The following GRIN2B variants were observed in gnomAD, a reference collection of about 807,000 sequenced individuals.
The protein encoded by GRIN2B is glutamate receptor ionotropic, NMDA 2B.
GRIN2B carries 5 observed loss-of-function variants against 114.5 expected under a neutral mutation model. The observed-to-expected ratio is 0.04, with a 90% CI of 0.02 to 0.09. The LOEUF is 0.09. Among genes scored for constraint, GRIN2B ranks in the 10% least tolerant of loss-of-function variants. GRIN2B has a pLI of 1.00. For synonymous variants in GRIN2B, 787 were observed against 745.1 expected (o/e 1.06, Z -0.92); for missense variants, 1,108 against 1,943.5 (o/e 0.57, Z 8.08).
intron 2 of GRIN2B, among the ~76,000 whole-genome samples, chr12:13,905,845 C>G (rs891623883): frequency 6.6e-6 from 1 of 152,072 alleles, no homozygotes; most frequent in African/African-American, 2.4e-5. Flanking sequence ...TTCACTTTCC[C>G]ATCCCCAGCC....
At chr12:13,835,317 G>A (rs1865239943) in intron 3 of GRIN2B, among the ~76,000 whole-genome samples, 1 of 152,108 alleles carries the variant, frequency 6.6e-6, no homozygotes, top group East Asian at 1.9e-4. Context: ...TACAGAAAAA[G>A]CTGAGGCGCA....
intron 2 of GRIN2B, among the ~76,000 whole-genome samples, chr12:13,868,034 G>A (rs1327527533): frequency 6.6e-6 from 1 of 152,272 alleles, no homozygotes; most frequent in Non-Finnish European, 1.5e-5. Context: ...TTAATGATTT[G>A]GGAGCAAGAT....
chr12:13,746,893 G>T (rs1863395460), intron 4 of GRIN2B, among the ~76,000 whole-genome samples: 1 of 152,124 alleles, frequency 6.6e-6, no homozygotes, highest in South Asian at 2.1e-4. Flanking sequence ...CTTCCACCAT[G>T]AGTGGAAGTT....
chr12:13,875,749 G>C (rs1461718369), intron 2 of GRIN2B, among the ~76,000 whole-genome samples: 1 of 152,158 alleles, frequency 6.6e-6, no homozygotes, highest in Admixed American at 6.5e-5. Context: ...TTAATTTGCT[G>C]TGCGATCTTT....
At chr12:13,879,307 G>C (rs1866035980) in intron 2 of GRIN2B, among the ~76,000 whole-genome samples, 1 of 152,116 alleles carries the variant, frequency 6.6e-6, no homozygotes, top group African/African-American at 2.4e-5. Context: ...GTAGGCAGTT[G>C]TAACACAGTG....
At chr12:13,975,397 G>A (rs1863002563) in intron 2 of GRIN2B, among the ~76,000 whole-genome samples, 1 of 152,216 alleles carries the variant, frequency 6.6e-6, no homozygotes, top group African/African-American at 2.4e-5. Flanking sequence ...AGATAACTCT[G>A]CATTTCACTC....
chr12:13,744,173 T>C (rs1185156400), intron 4 of GRIN2B, among the ~76,000 whole-genome samples: 1 of 152,222 alleles, frequency 6.6e-6, no homozygotes, highest in African/African-American at 2.4e-5. Context: ...TGGAAGGAAA[T>C]ATTTACTTGA....
At chr12:13,621,041 T>C (rs867439074) in intron 5 of GRIN2B, among the ~76,000 whole-genome samples, 4 of 152,240 alleles carry the variant, frequency 2.6e-5, no homozygotes, top group Admixed American at 6.5e-5. Context: ...GCCAATTCTT[T>C]ATGGAGCAAA....
rs1258364748 is a variant in GRIN2B at position 13,558,177 on chromosome 12, A to G, written c.*4606T>C. 1.3e-5 allele frequency: 2 copies of G among 152,204 alleles called. No individual in the cohort carries two copies. Among genetic ancestry groups the G allele is most frequent in the South Asian group, 2.1e-4 (1 of 4,830 alleles). 9.4% of individuals were successfully genotyped at this position (152,204 alleles called of 1,614,324 possible). On this transcript the variant is annotated 3_prime_UTR_variant, in exon 14 of 14. Coordinates refer to ENST00000609686, the MANE Select transcript of GRIN2B (RefSeq NM_000834.5). ...TGTAGTGTGTAGCAGCCTACTGAGCATGTATTTCCTATATGGCTTTGGGCT... is the reference window on the plus strand; with the variant it reads ...TGTAGTGTGTAGCAGCCTACTGAGCGTGTATTTCCTATATGGCTTTGGGCT...
chr12:13,896,616 T>C (rs1052009873), intron 2 of GRIN2B, among the ~76,000 whole-genome samples: 3 of 152,202 alleles, frequency 2.0e-5, no homozygotes, highest in African/African-American at 7.2e-5. Context: ...TTCCATTTTT[T>C]AAAATAATAC....
intron 4 of GRIN2B, among the ~76,000 whole-genome samples, chr12:13,701,334 A>C (rs1038788348): frequency 6.6e-6 from 1 of 152,092 alleles, no homozygotes; most frequent in African/African-American, 2.4e-5. Context: ...AAACTTATGA[A>C]ATTGAGATTG....
intron 2 of GRIN2B, among the ~76,000 whole-genome samples, chr12:13,941,028 C>T (rs937563297): frequency 9.2e-5 from 14 of 151,604 alleles, no homozygotes; most frequent in African/African-American, 3.2e-4. Context: ...TATGCTAGTG[C>T]CCCACTAGCT....
intron 2 of GRIN2B, among the ~76,000 whole-genome samples, chr12:13,880,190 C>G (rs1341973440): frequency 6.6e-6 from 1 of 152,188 alleles, no homozygotes; most frequent in East Asian, 1.9e-4. Context: ...TATTAGGAAG[C>G]AGCTTTTGAG....
At chr12:13,582,624 C>T (rs549583844) in intron 10 of GRIN2B, among the ~76,000 whole-genome samples, 1 of 152,208 alleles carries the variant, frequency 6.6e-6, no homozygotes. Context: ...CTGCCTCTGG[C>T]TGTGCTGTCA....
intron 2 of GRIN2B, among the ~76,000 whole-genome samples, chr12:13,878,256 C>T (rs185157897): frequency 3.2e-4 from 48 of 152,256 alleles, no homozygotes; most frequent in Admixed American, 5.9e-4. Flanking sequence ...CCCCGACCCA[C>T]TTCCCTTTCT....
At chr12:13,934,404 C>T (rs1001747405) in intron 2 of GRIN2B, among the ~76,000 whole-genome samples, 6 of 152,194 alleles carry the variant, frequency 3.9e-5, no homozygotes, top group East Asian at 1.9e-4. Context: ...TCACAAAATT[C>T]GTTAATGGTG....
Position 13,974,573 on chromosome 12 carries a change from CT to C in GRIN2B, c.-19+5354del, listed in dbSNP as rs147594606. Among the ~76,000 whole-genome samples the C allele has an allele frequency of 3.9e-4, 60 of 152,288 alleles. No homozygotes were observed. The East Asian group carries it at 0.011, about 29-fold the overall frequency. On this transcript the variant is annotated intron_variant, in intron 2 of 13. Transcript: ENST00000609686. ...TTTCTGTCCTCCTAAAATGACCTGTCTTTCTGTATCCTATAAATCTCCTATT... is the reference window on the plus strand; with the variant it reads ...TTTCTGTCCTCCTAAAATGACCTGTCTTCTGTATCCTATAAATCTCCTATT...
chr12:13,786,270 T>A (rs1311009892), intron 3 of GRIN2B, among the ~76,000 whole-genome samples: 1 of 152,134 alleles, frequency 6.6e-6, no homozygotes, highest in African/African-American at 2.4e-5. Flanking sequence ...CAAATTAAAA[T>A]AATTTGGGGT....
At chr12:13,628,837 G>A (rs1009662798) in intron 5 of GRIN2B, among the ~76,000 whole-genome samples, 3 of 152,154 alleles carry the variant, frequency 2.0e-5, no homozygotes, top group South Asian at 2.1e-4. Context: ...TGCTTTCTGG[G>A]ACAATGAAGC....
Sources: allele counts gnomAD v4.1 joint callset (sites outside exome capture counted in the v4.1 genomes callset), GRCh38; gene constraint gnomAD v4.1.1; transcripts MANE v1.5; gene names NCBI Gene and HGNC (gene_info 2026-07-23, HGNC 2026-07-21).